Variants in TAB3 observed in about 807,000 individuals in gnomAD.
TAB3 encodes TGF-beta-activated kinase 1 and MAP3K7-binding protein 3.
A neutral mutation model predicts 48.1 loss-of-function variants in TAB3; 18 were observed. That is an observed-to-expected ratio of 0.37 (90% CI 0.26 to 0.55). The LOEUF (loss-of-function observed/expected upper bound fraction) is 0.55. TAB3 is among the 20% of genes least tolerant of loss of function. The probability of loss-of-function intolerance (pLI) is 0.78; values close to 1 mark genes in which losing one functional copy is unlikely to be tolerated. For missense variants in TAB3, 414 were observed against 549.8 expected (o/e 0.75, Z 2.47); for synonymous variants, 185 against 190.2 (o/e 0.97, Z 0.22).
chrX:30,857,308 C>T (rs2147365748), intron 5 of TAB3, among the ~76,000 whole-genome samples: 1 of 111,407 alleles, frequency 9.0e-6, no homozygotes, highest in South Asian at 3.7e-4. Flanking sequence ...GCTTGAAAAT[C>T]GTATTGAGCA....
intron 7 of TAB3, among the ~76,000 whole-genome samples, chrX:30,847,584 C>T (rs1040203959): frequency 2.4e-4 from 26 of 109,256 alleles, no homozygotes; most frequent in African/African-American, 7.0e-4. Context: ...GCTTTCAGCA[C>T]GGCCCAGGTA....
rs1244087951 is a variant in TAB3, at chrX:30,868,622, G to A, written c.-279-1073C>T. ...AGAGAGAGAGAGAGAGAGAGAGCGC[G>A]TGGGGGGGAGAGACAGAGAGAGAGA... On this transcript the variant is annotated intron_variant, in intron 2 of 10. Coordinates refer to ENST00000288422, the MANE Select transcript of TAB3 (RefSeq NM_152787.5). Among the ~76,000 whole-genome samples the A allele has an allele frequency of 1.9e-4, 15 of 77,986 alleles. 3 individuals are homozygous for A. The highest frequency in any genetic ancestry group is 6.2e-4 in the Admixed American group (4 of 6,424). The allele number at this position is 77,986 out of a possible 115,157, so 67.7% of individuals were successfully genotyped here.
At chrX:30,880,455 G>A (rs770166068) in intron 1 of TAB3, among the ~76,000 whole-genome samples, 7 of 111,419 alleles carry the variant, frequency 6.3e-5, no homozygotes, top group Admixed American at 9.5e-5. Context: ...AGGAAAAGAC[G>A]GTATTATCCC....
At chrX:30,878,516 A>AAAAAG (rs57251085) in intron 1 of TAB3, among the ~76,000 whole-genome samples, 1,299 of 79,522 alleles carry the variant, frequency 0.016, 42 homozygotes, top group African/African-American at 0.048. Flanking sequence ...AAAAAAAAAA[A>AAAAAG]AAAGAAAGAA....
rs7051732 is a variant in TAB3, at chrX:30,850,539, C to T, written c.1710+2239G>A. 5.2e-3 allele frequency among the ~76,000 whole-genome samples: 565 copies of T among 108,870 alleles called. 6 individuals are homozygous for T. Among genetic ancestry groups the T allele is most frequent in the African/African-American group, 0.017 (496 of 29,879 alleles). 94.5% of individuals were successfully genotyped at this position (108,870 alleles called of 115,157 possible). A position where few individuals can be genotyped will look rare whatever the true frequency, so the allele number is the denominator to read the frequency against. The stretch of plus-strand genomic sequence containing the variant: ...TAGCCTGGCCAACATGGTGAAACCC[C>T]GTCTCTACTAAAGATACAAAAAATT... On this transcript the variant is annotated intron_variant, in intron 7 of 10. Coordinates refer to ENST00000288422, the MANE Select transcript of TAB3 (RefSeq NM_152787.5).
chrX:30,868,629 G>A (rs1218384716), intron 2 of TAB3, among the ~76,000 whole-genome samples: 1 of 79,938 alleles, frequency 1.3e-5, no homozygotes, highest in Non-Finnish European at 2.3e-5. Flanking sequence ...CGCGTGGGGG[G>A]GAGAGACAGA....
intron 10 of TAB3, among the ~76,000 whole-genome samples, chrX:30,832,044 A>G (rs1404305913): frequency 2.7e-5 from 3 of 112,005 alleles, no homozygotes; most frequent in African/African-American, 9.7e-5. Context: ...AAGCTCTACA[A>G]TATGCATATG....
intron 1 of TAB3, among the ~76,000 whole-genome samples, chrX:30,888,211 T>C (rs1317611179): frequency 8.9e-6 from 1 of 112,749 alleles, no homozygotes; most frequent in African/African-American, 3.2e-5. Flanking sequence ...TGCCAAACTG[T>C]TCCCTTTTCT....
At chrX:30,832,970 TTTC>T (rs1448021653) in intron 10 of TAB3, among the ~76,000 whole-genome samples, 3 of 103,545 alleles carry the variant, frequency 2.9e-5, no homozygotes, top group East Asian at 5.7e-4. Context: ...ATTTTCTTTC[TTTC>T]TTTTTTTTTT....
At chrX:30,832,938 G>T (rs1174501897) in intron 10 of TAB3, among the ~76,000 whole-genome samples, 1 of 110,101 alleles carries the variant, frequency 9.1e-6, no homozygotes, top group Non-Finnish European at 1.9e-5. Flanking sequence ...CCTTCGGTTG[G>T]AGGAAAAATG....
intron 9 of TAB3, among the ~76,000 whole-genome samples, chrX:30,837,432 T>C (rs1347503219): frequency 8.9e-6 from 1 of 111,842 alleles, no homozygotes; most frequent in Non-Finnish European, 1.9e-5. Context: ...AGCAGATCCA[T>C]CTGATTACCC....
At chrX:30,866,108 G>A (rs1186011055) in intron 4 of TAB3, among the ~76,000 whole-genome samples, 1 of 111,195 alleles carries the variant, frequency 9.0e-6, no homozygotes, top group Non-Finnish European at 1.9e-5. Flanking sequence ...TATTCTGTAA[G>A]TCTCAAGAGA....
intron 1 of TAB3, among the ~76,000 whole-genome samples, chrX:30,877,131 A>G (rs1483065256): frequency 8.9e-6 from 1 of 112,350 alleles, no homozygotes; most frequent in Non-Finnish European, 1.9e-5. Flanking sequence ...CAAAGAAGCA[A>G]CAGTTAGATT....
At chrX:30,872,372 T>TA (rs2147395835) in intron 1 of TAB3, among the ~76,000 whole-genome samples, 1 of 111,535 alleles carries the variant, frequency 9.0e-6, no homozygotes, top group African/African-American at 3.3e-5. Context: ...TTTCTTCTGT[T>TA]TTTTTGTTTG....
intron 8 of TAB3, chrX:30,845,016 G>C (rs1431020360): frequency 1.8e-5 from 2 of 112,132 alleles, no homozygotes; most frequent in African/African-American, 6.5e-5. Flanking sequence ...GTAGGGATGG[G>C]GTCTCCCTAT....
chrX:30,854,744 T>C lies in TAB3; in HGVS notation c.921A>G (p.Pro307=). The C allele has an allele frequency of 8.3e-7, 1 of 1,211,311 alleles. No individual in the cohort carries two copies. The highest frequency in any genetic ancestry group is 1.1e-6 in the Non-Finnish European group (1 of 895,347). ...PSQCPSPFSS[P]QHQVQPSQLG... ...ACTGGGAAGGTTGCACTTGATGCTG[T>C]GGAGAGCTGAAGGGTGAAGGACATT... Residue 307 remains proline (P), a synonymous_variant, in exon 6 of 11, where the codon CCA becomes CCG. Coordinates refer to ENST00000288422, the MANE Select transcript of TAB3 (RefSeq NM_152787.5).
At chrX:30,860,421 T>A (rs1295673475) in intron 4 of TAB3, among the ~76,000 whole-genome samples, 5 of 111,560 alleles carry the variant, frequency 4.5e-5, no homozygotes, top group African/African-American at 1.3e-4. Context: ...AATTATACAG[T>A]GGACAAATTG....
At chrX:30,867,581 C>G (rs1369964702) in intron 2 of TAB3, 32 bp from the exon 3 acceptor site, 1 of 111,555 alleles carries the variant, frequency 9.0e-6, no homozygotes, top group Non-Finnish European at 1.9e-5. Context: ...TATCTTTTTG[C>G]TAACTTCCCA....
intron 2 of TAB3, among the ~76,000 whole-genome samples, chrX:30,870,044 T>C (rs542303137): frequency 1.8e-5 from 2 of 112,301 alleles, no homozygotes; most frequent in African/African-American, 6.5e-5. Context: ...AGGAAAAATA[T>C]TACTACTTTC....
Sources: gnomAD v4.1 joint callset for allele counts (sites outside exome capture counted in the v4.1 genomes callset) on GRCh38, gnomAD v4.1.1 for gene constraint, MANE v1.5 for transcripts, NCBI Gene and HGNC (gene_info 2026-07-23, HGNC 2026-07-21) for gene names.